The following FOCAD variants were observed in gnomAD, a reference collection of about 807,000 sequenced individuals.
FOCAD encodes focadhesin.
Under a neutral mutation model 225.6 loss-of-function variants are expected in FOCAD, and 198 were observed. The observed-to-expected ratio is 0.88, with a 90% confidence interval of 0.78 to 0.99. FOCAD has a LOEUF of 0.99. Among genes scored for constraint, FOCAD ranks in the 50% least tolerant of loss-of-function variants. The pLI is 0.00. For missense variants in FOCAD, 2,713 were observed against 2,123.6 expected (o/e 1.28, Z -5.46); for synonymous variants, 897 against 755.0 (o/e 1.19, Z -3.08).
At chr9:20,949,538 C>A in intron 32 of FOCAD, 66 bp from the exon 33 acceptor site, 2 of 997,278 alleles carry the variant, frequency 2.0e-6, no homozygotes, top group Non-Finnish European at 2.9e-6. Context: ...GCTCATGCAC[C>A]GGGAATATAA....
chr9:20,986,220 C>G, intron 39 of FOCAD, 68 bp from the exon 40 acceptor site: 1 of 1,352,564 alleles, frequency 7.4e-7, no homozygotes, highest in Non-Finnish European at 9.6e-7. Context: ...TTGCCCTTGC[C>G]CTGAAATTCT....
At chr9:20,963,822 C>G (rs1198209601) in intron 35 of FOCAD, among the ~76,000 whole-genome samples, 1 of 152,148 alleles carries the variant, frequency 6.6e-6, no homozygotes, top group East Asian at 1.9e-4. Flanking sequence ...TGTGAATAGA[C>G]AACCAGTTAA....
At chr9:20,747,863 C>G (rs1828190766) in intron 5 of FOCAD, among the ~76,000 whole-genome samples, 1 of 146,646 alleles carries the variant, frequency 6.8e-6, no homozygotes, top group African/African-American at 2.5e-5. Context: ...TAAAGGTAAA[C>G]TACTTTTTGT....
At chr9:20,803,809 G>A (rs1822103543) in intron 11 of FOCAD, among the ~76,000 whole-genome samples, 1 of 152,146 alleles carries the variant, frequency 6.6e-6, no homozygotes, top group Non-Finnish European at 1.5e-5. Flanking sequence ...TGTTGAAGGA[G>A]TGCTGACATT....
chr9:20,830,078 A>G (rs1183539073), intron 15 of FOCAD, among the ~76,000 whole-genome samples: 4 of 152,050 alleles, frequency 2.6e-5, no homozygotes, highest in Admixed American at 2.6e-4. Flanking sequence ...GTCTGTCTTA[A>G]TACAGTTTTT....
At position 20,772,683 on chromosome 9, in the gene FOCAD, G is replaced by A. The variant is rs565619074; in HGVS notation, c.906+2445G>A. Among the ~76,000 whole-genome samples, 8 of 152,128 alleles carry A rather than the reference G, an allele frequency of 5.3e-5. No individual in the cohort carries two copies. In the East Asian group the frequency reaches 5.8e-4, roughly 11 times the overall value. ...TCAGCAGGGTGGTGGTGGTTGGGGG[G>A]CGTGGAAATTGGAATTAAGGGAGTG... is the stretch of plus-strand genomic sequence containing the variant. On this transcript the variant is annotated intron_variant, in intron 8 of 43. Coordinates refer to ENST00000338382, the MANE Select transcript of FOCAD (RefSeq NM_001375567.1).
rs200252055 is a variant in FOCAD, at chr9:20,862,562, T to C, written c.1921-16T>C. On this transcript the variant is annotated splice_polypyrimidine_tract_variant and intron_variant, in intron 15 of 43. Coordinates refer to ENST00000338382, the MANE Select transcript of FOCAD (RefSeq NM_001375567.1). Reference sequence around the variant, plus strand: ...GGAGTCTTGTTAGGTGTTGACCTTTTCTATTTGCTTCACAGGTTGTTTGCA... The same window carrying C: ...GGAGTCTTGTTAGGTGTTGACCTTTCCTATTTGCTTCACAGGTTGTTTGCA... The C allele has an allele frequency of 6.2e-7, 1 of 1,611,842 alleles. No homozygotes were observed. The highest frequency in any genetic ancestry group is 1.7e-4 in the Middle Eastern group (1 of 6,054).
At position 20,685,196 on chromosome 9, in the gene FOCAD, A is replaced by ATTTTTTTTTTT. The variant is rs397959541; in HGVS notation, c.-33+907_-33+917dup. The stretch of plus-strand genomic sequence containing the variant: ...TTTATTGTCTAGATTTGAGTTGGAA[A>ATTTTTTTTTTT]TTTTTTTTTTTTTTGTTATTTTCAG... On this transcript the variant is annotated intron_variant, in intron 1 of 43. Coordinates refer to ENST00000338382, the MANE Select transcript of FOCAD (RefSeq NM_001375567.1). Among the ~76,000 whole-genome samples, 242 of 143,052 alleles carry ATTTTTTTTTTT rather than the reference A, an allele frequency of 1.7e-3. 1 individual carries two copies. The highest frequency in any genetic ancestry group is 6.0e-3 in the African/African-American group (229 of 37,962). The allele number at this position is 143,052 out of a possible 152,430, so 93.8% of individuals were successfully genotyped here.
At chr9:20,748,184 A>G (rs1465858250) in intron 5 of FOCAD, among the ~76,000 whole-genome samples, 1 of 152,116 alleles carries the variant, frequency 6.6e-6, no homozygotes, top group Non-Finnish European at 1.5e-5. Flanking sequence ...GATTGAAACC[A>G]GTGGAATACA....
chr9:20,821,447 G>C (rs534680723), intron 14 of FOCAD, among the ~76,000 whole-genome samples: 5 of 152,160 alleles, frequency 3.3e-5, no homozygotes, highest in African/African-American at 1.2e-4. Context: ...TTTAAGTAGG[G>C]AGATAAGTAG....
chr9:20,767,032 A>T (rs1278101285), intron 7 of FOCAD, among the ~76,000 whole-genome samples: 1 of 149,588 alleles, frequency 6.7e-6, no homozygotes, highest in Non-Finnish European at 1.5e-5. Flanking sequence ...TGTCCATGTG[A>T]TCTCATTGTT....
intron 15 of FOCAD, among the ~76,000 whole-genome samples, chr9:20,832,312 T>C (rs1169441602): frequency 6.6e-6 from 1 of 152,096 alleles, no homozygotes; most frequent in African/African-American, 2.4e-5. Flanking sequence ...ACATGTACTT[T>C]TCTTCTGTTC....
intron 18 of FOCAD, among the ~76,000 whole-genome samples, chr9:20,871,077 G>T (rs1048989122): frequency 5.3e-5 from 8 of 151,824 alleles, no homozygotes; most frequent in African/African-American, 1.9e-4. Context: ...GTGGTGCGGG[G>T]CCTGTAATCC....
chr9:20,968,340 G>A (rs1262251993), intron 35 of FOCAD, among the ~76,000 whole-genome samples: 1 of 122,532 alleles, frequency 8.2e-6, no homozygotes, highest in Non-Finnish European at 1.8e-5. Flanking sequence ...TGCTCTTTAT[G>A]TTTTTTTTCT....
chr9:20,993,191 A>T, intron 42 of FOCAD, 62 bp from the exon 43 acceptor site: 1 of 1,364,512 alleles, frequency 7.3e-7, no homozygotes, highest in Non-Finnish European at 1.0e-6. Flanking sequence ...CCAAGGGAAT[A>T]ACTGTTCTTT....
intron 2 of FOCAD, among the ~76,000 whole-genome samples, chr9:20,715,725 G>A (rs1383596487): frequency 2.6e-5 from 4 of 151,602 alleles, no homozygotes; most frequent in African/African-American, 9.7e-5. Flanking sequence ...TGGGAACAGA[G>A]GTAAACAGTT....
chr9:20,853,875 A>G (rs1827910854), intron 15 of FOCAD, among the ~76,000 whole-genome samples: 1 of 151,774 alleles, frequency 6.6e-6, no homozygotes, highest in African/African-American at 2.4e-5. Context: ...AGGATAAGAA[A>G]GAATGTTATT....
intron 18 of FOCAD, 43 bp downstream of exon 18, chr9:20,867,055 G>A: frequency 7.4e-7 from 1 of 1,345,138 alleles, no homozygotes; most frequent in East Asian, 2.3e-5. Flanking sequence ...TAATTTGCTA[G>A]GGTTTACAAC....
Position 20,946,739 on chromosome 9 carries a change from G to C in FOCAD, c.3594G>C (p.Ala1198=), listed in dbSNP as rs138048017. Residue 1198 remains alanine, a synonymous_variant, in exon 30 of 44, where the codon GCG becomes GCC. Coordinates refer to ENST00000338382, the MANE Select transcript of FOCAD (RefSeq NM_001375567.1). ...CACTTAGCTGTGTATGTACATCAGC[G>C]TTCAGTGCTGGAATTATTGAGGCTA... is the stretch of plus-strand genomic sequence containing the variant. ...AYTLSCVCTS[A]FSAGIIEATE... The C allele has an allele frequency of 3.1e-6, 5 of 1,613,634 alleles. No homozygotes were observed. In the African/African-American group the frequency reaches 5.3e-5, roughly 17 times the overall value.
Sources: gnomAD v4.1 joint callset for allele counts (sites outside exome capture counted in the v4.1 genomes callset) on GRCh38, gnomAD v4.1.1 for gene constraint, MANE v1.5 for transcripts, NCBI Gene and HGNC (gene_info 2026-07-23, HGNC 2026-07-21) for gene names.